Variants in TMOD1 observed in about 807,000 individuals in gnomAD.
The protein encoded by TMOD1 is tropomodulin-1.
In TMOD1, 17 loss-of-function variants were observed where a neutral mutation model predicts 40.6. The observed-to-expected ratio is 0.42, with a 90% CI of 0.29 to 0.63. The LOEUF (loss-of-function observed/expected upper bound fraction) is 0.63. Among genes scored for constraint, TMOD1 ranks in the 20% least tolerant of loss-of-function variants. The pLI, the probability that TMOD1 is intolerant of heterozygous loss-of-function variation, is 0.22. For synonymous variants in TMOD1, 181 were observed against 175.0 expected (o/e 1.03, Z -0.27); for missense variants, 391 against 447.6 (o/e 0.87, Z 1.14).
At chr9:97,520,832 C>T (rs1829903749) in intron 1 of TMOD1, among the ~76,000 whole-genome samples, 1 of 152,214 alleles carries the variant, frequency 6.6e-6, no homozygotes, top group Non-Finnish European at 1.5e-5. Context: ...ATCCCTCCTT[C>T]AGCAGTCCTC....
At chr9:97,589,483 G>C (rs746865687) in intron 8 of TMOD1, among the ~76,000 whole-genome samples, 1 of 150,514 alleles carries the variant, frequency 6.6e-6, no homozygotes, top group African/African-American at 2.4e-5. Flanking sequence ...GTTTCACCAC[G>C]TTGGCCAGGA....
intron 2 of TMOD1, among the ~76,000 whole-genome samples, chr9:97,527,391 A>G (rs1393124291): frequency 6.6e-6 from 1 of 152,252 alleles, no homozygotes; most frequent in African/African-American, 2.4e-5. Context: ...GGACACAGGC[A>G]TAATACACTG....
rs1378281860 is a variant in TMOD1 at position 97,591,397 on chromosome 9, T to G, written c.977T>G (p.Leu326Arg). Reference sequence around the variant, plus strand: ...CACTTTACCCAGCAAGGACCCCGGCTTCGGGCATCCAACGCAATGATGAAC... The same window carrying G: ...CACTTTACCCAGCAAGGACCCCGGCGTCGGGCATCCAACGCAATGATGAAC... ...GYHFTQQGPR[L>R]RASNAMMNNN... The change falls in exon 9 of 10, where the codon CTT (leucine) becomes CGT (arginine). Residue 326 changes from leucine to arginine, a missense_variant. Leu to Arg is a moderately radical substitution (Grantham distance 102, BLOSUM62 -2). Transcript: ENST00000259365. The G allele has an allele frequency of 1.9e-6, 3 of 1,614,218 alleles. No homozygotes were observed. Among genetic ancestry groups the G allele is most frequent in the Non-Finnish European group, 2.5e-6 (3 of 1,180,042 alleles).
intron 2 of TMOD1, among the ~76,000 whole-genome samples, chr9:97,540,204 ACTAG>A (rs1009876347): frequency 5.9e-5 from 9 of 152,148 alleles, no homozygotes; most frequent in Admixed American, 3.3e-4. Flanking sequence ...AATACCACAG[ACTAG>A]GTGGCTTAAA....
At chr9:97,523,441 C>T (rs1459035814) in intron 1 of TMOD1, among the ~76,000 whole-genome samples, 3 of 152,170 alleles carry the variant, frequency 2.0e-5, no homozygotes, top group Non-Finnish European at 4.4e-5. Context: ...GGTGACTCCG[C>T]AGAGAAGGTC....
intron 4 of TMOD1, among the ~76,000 whole-genome samples, chr9:97,559,794 AATATATATATATATAT>A (rs1193457397): frequency 4.3e-5 from 1 of 23,178 alleles, no homozygotes; most frequent in Middle Eastern, 0.022. Context: ...AAAAAAAAAA[AATATATATATATATAT>A]ATATATATAT....
intron 2 of TMOD1, among the ~76,000 whole-genome samples, chr9:97,529,368 C>A (rs1830065566): frequency 6.6e-6 from 1 of 152,098 alleles, no homozygotes; most frequent in Admixed American, 6.5e-5. Context: ...CATATGATTT[C>A]TTTGAACCAT....
At chr9:97,541,058 A>G (rs1161319648) in intron 2 of TMOD1, among the ~76,000 whole-genome samples, 1 of 152,056 alleles carries the variant, frequency 6.6e-6, no homozygotes, top group African/African-American at 2.4e-5. Context: ...ATGGTATCTC[A>G]TTCTGGATTT....
chr9:97,574,205 G>A (rs903273162), intron 8 of TMOD1, among the ~76,000 whole-genome samples: 23 of 152,244 alleles, frequency 1.5e-4, no homozygotes, highest in African/African-American at 5.3e-4. Flanking sequence ...CTCAGCTTGC[G>A]GGGAGGTGTG....
In TMOD1 at chr9:97,553,452, A is replaced by C. The variant is rs376462500; in HGVS notation, c.397+52A>C. ...CATCCTCCAGAAGGATTTGACCCAC[A>C]TCTGCAGGGAGCCTTGTAGGGCTCA... On this transcript the variant is annotated intron_variant, in intron 4 of 9. Coordinates refer to ENST00000259365, the MANE Select transcript of TMOD1 (RefSeq NM_003275.4). 3.1e-6 allele frequency: 5 copies of C among 1,610,870 alleles called. No homozygotes were observed. In the African/African-American group the frequency reaches 6.7e-5, roughly 22 times the overall value.
chr9:97,600,966 G>A lies in TMOD1; in HGVS notation c.*1268G>A. 1 of 1,158,484 alleles carries A rather than the reference G, an allele frequency of 8.6e-7. No homozygotes were observed. Among genetic ancestry groups the A allele is most frequent in the Non-Finnish European group, 1.1e-6 (1 of 914,370 alleles). The allele number at this position is 1,158,484 out of a possible 1,614,324, so 71.8% of individuals were successfully genotyped here. A position where few individuals can be genotyped will look rare whatever the true frequency, so the allele number is the denominator to read the frequency against. On this transcript the variant is annotated 3_prime_UTR_variant, in exon 10 of 10. Coordinates refer to ENST00000259365, the MANE Select transcript of TMOD1 (RefSeq NM_003275.4). The stretch of plus-strand genomic sequence containing the variant: ...CATTAGTGATTTCAGCAAATCTCAT[G>A]ATAAAGGACAAGGTCAAGAACTCCA...
chr9:97,559,798 T>A (rs867820080), intron 4 of TMOD1, among the ~76,000 whole-genome samples: 382 of 21,898 alleles, frequency 0.017, 2 homozygotes, highest in African/African-American at 0.042. Flanking sequence ...AAAAAAAATA[T>A]ATATATATAT....
chr9:97,580,196 G>T (rs141253794), intron 8 of TMOD1, among the ~76,000 whole-genome samples: 1 of 152,140 alleles, frequency 6.6e-6, no homozygotes, highest in African/African-American at 2.4e-5. Flanking sequence ...TTGGCAGTGG[G>T]GAGCCATTAG....
At chr9:97,506,351 G>A (rs1829590717) in intron 1 of TMOD1, among the ~76,000 whole-genome samples, 1 of 152,152 alleles carries the variant, frequency 6.6e-6, no homozygotes, top group South Asian at 2.1e-4. Flanking sequence ...TTCCCCATGT[G>A]CAGCTCAGAG....
chr9:97,520,308 T>C (rs1399921853), intron 1 of TMOD1, among the ~76,000 whole-genome samples: 1 of 152,148 alleles, frequency 6.6e-6, no homozygotes, highest in East Asian at 1.9e-4. Context: ...AGGCCTGTGC[T>C]CCATCCCTGA....
intron 2 of TMOD1, among the ~76,000 whole-genome samples, chr9:97,526,938 C>T (rs1830023146): frequency 6.6e-6 from 1 of 152,152 alleles, no homozygotes; most frequent in Non-Finnish European, 1.5e-5. Flanking sequence ...GCTCTTGGGT[C>T]CCAGGCCCCA....
At chr9:97,589,280 T>C (rs1825947884) in intron 8 of TMOD1, among the ~76,000 whole-genome samples, 2 of 45,284 alleles carry the variant, frequency 4.4e-5, no homozygotes, top group African/African-American at 3.7e-4. Context: ...AACTCACTAA[T>C]TTTTTTTTTT....
At chr9:97,590,063 C>CTT (rs914146227) in intron 8 of TMOD1, among the ~76,000 whole-genome samples, 1 of 149,900 alleles carries the variant, frequency 6.7e-6, no homozygotes, top group Admixed American at 6.6e-5. Flanking sequence ...GGTTTTTTTT[C>CTT]TTTTTTTTTC....
At chr9:97,550,568 T>C (rs1830434913) in intron 3 of TMOD1, among the ~76,000 whole-genome samples, 1 of 152,208 alleles carries the variant, frequency 6.6e-6, no homozygotes, top group African/African-American at 2.4e-5. Flanking sequence ...GCCATCCTCA[T>C]GGGTGTGAAG....
Sources: gnomAD v4.1 joint callset for allele counts (sites outside exome capture counted in the v4.1 genomes callset) on GRCh38, gnomAD v4.1.1 for gene constraint, MANE v1.5 for transcripts, NCBI Gene and HGNC (gene_info 2026-07-23, HGNC 2026-07-21) for gene names.